Variants in NFXL1 observed in about 807,000 individuals in gnomAD.
The protein encoded by NFXL1 is nuclear transcription factor, X-box binding like 1.
In NFXL1, 66 loss-of-function variants were observed where a neutral mutation model predicts 123.3. The ratio of observed to expected loss-of-function variants is 0.54; its 90% CI spans 0.44 to 0.66. NFXL1 has a LOEUF of 0.66. Among genes scored for constraint, NFXL1 ranks in the 30% least tolerant of loss-of-function variants. The pLI is 0.00. For synonymous variants in NFXL1, 346 were observed against 360.8 expected (o/e 0.96, Z 0.46); for missense variants, 944 against 1,125.6 (o/e 0.84, Z 2.31).
At chr4:47,874,545 C>G (rs1018704257) in intron 18 of NFXL1, among the ~76,000 whole-genome samples, 1 of 152,102 alleles carries the variant, frequency 6.6e-6, no homozygotes, top group Non-Finnish European at 1.5e-5. Context: ...CACCCCAAAA[C>G]AATTACAATG....
At chr4:47,856,007 A>C (rs1734388829) in intron 19 of NFXL1, among the ~76,000 whole-genome samples, 1 of 152,208 alleles carries the variant, frequency 6.6e-6, no homozygotes, top group African/African-American at 2.4e-5. Flanking sequence ...CTGTTTCTAA[A>C]CTGTTGTAAC....
chr4:47,885,394 C>T (rs1286723483), intron 14 of NFXL1, 104 bp downstream of exon 14: 3 of 930,284 alleles, frequency 3.2e-6, no homozygotes, highest in African/African-American at 3.3e-5. Context: ...AAGCACAGTG[C>T]TTCCCAATAA....
At chr4:47,883,147 A>T (rs1376883487) in intron 15 of NFXL1, among the ~76,000 whole-genome samples, 1 of 152,004 alleles carries the variant, frequency 6.6e-6, no homozygotes, top group Non-Finnish European at 1.5e-5. Flanking sequence ...ATTCTGTCAA[A>T]TGCTGTGCTA....
At chr4:47,906,532 T>C (rs1272496802) in intron 3 of NFXL1, among the ~76,000 whole-genome samples, 1 of 152,108 alleles carries the variant, frequency 6.6e-6, no homozygotes, top group Non-Finnish European at 1.5e-5. Flanking sequence ...AACTATAAAT[T>C]ATTATAAAAT....
In NFXL1 at chr4:47,885,568, AC is replaced by A; in HGVS notation, c.1753del (p.Val585PhefsTer18). ...CPPCHQPCQKVLEKCGHLCPA... is the reference protein window; with the variant it reads ...CPPCHQPCQKXLEKCGHLCPA... ...ACACAAGTGACCACATTTCTCCAAA[AC>A]TTTTTGGCAAGGTTGATGACATGGT... is the stretch of plus-strand genomic sequence containing the variant. On this transcript the variant is annotated frameshift_variant, in exon 14 of 23. Coordinates refer to ENST00000507489, the MANE Select transcript of NFXL1 (RefSeq NM_001278624.2). LOFTEE classifies it high-confidence loss of function. 6.2e-7 allele frequency: 1 copy of A among 1,614,000 alleles called. No homozygotes were observed. Among genetic ancestry groups the A allele is most frequent in the Non-Finnish European group, 8.5e-7 (1 of 1,179,908 alleles).
intron 19 of NFXL1, among the ~76,000 whole-genome samples, chr4:47,855,412 T>G (rs1475237300): frequency 6.6e-6 from 1 of 151,736 alleles, no homozygotes; most frequent in Non-Finnish European, 1.5e-5. Context: ...ACAGTACATC[T>G]TACAGCCACC....
chr4:47,906,468 T>A (rs1158118439), intron 3 of NFXL1, among the ~76,000 whole-genome samples: 2 of 152,094 alleles, frequency 1.3e-5, no homozygotes, highest in Non-Finnish European at 2.9e-5. Flanking sequence ...TGCCCTACCA[T>A]AAAATAAATA....
intron 15 of NFXL1, chr4:47,882,396 G>A (rs1364515922): frequency 6.6e-6 from 1 of 152,134 alleles, no homozygotes; most frequent in African/African-American, 2.4e-5. Flanking sequence ...TCTCCCTTTG[G>A]AAACTTTCAT....
At chr4:47,871,490 C>T (rs1193273360) in intron 18 of NFXL1, among the ~76,000 whole-genome samples, 4 of 152,144 alleles carry the variant, frequency 2.6e-5, no homozygotes, top group East Asian at 3.8e-4. Flanking sequence ...CACACATGCA[C>T]GTGTGTTGTT....
At chr4:47,894,493 T>G (rs1269922537) in intron 10 of NFXL1, among the ~76,000 whole-genome samples, 191 bp from the exon 11 acceptor site, 1 of 152,028 alleles carries the variant, frequency 6.6e-6, no homozygotes, top group Non-Finnish European at 1.5e-5. Context: ...CAAAAAGGAC[T>G]TCATATAAAT....
intron 4 of NFXL1, among the ~76,000 whole-genome samples, chr4:47,904,491 T>C (rs1209584090): frequency 4.6e-5 from 7 of 152,176 alleles, no homozygotes; most frequent in Non-Finnish European, 1.0e-4. Flanking sequence ...GTAAACCAAC[T>C]AGATGTGACT....
intron 17 of NFXL1, among the ~76,000 whole-genome samples, chr4:47,876,334 A>G (rs574088586): frequency 1.4e-4 from 22 of 152,258 alleles, no homozygotes; most frequent in African/African-American, 4.8e-4. Context: ...TGATGGCAGC[A>G]ACAAGAAGGA....
intron 12 of NFXL1, among the ~76,000 whole-genome samples, chr4:47,887,441 GAAGAT>G (rs1736504348): frequency 6.6e-6 from 1 of 152,064 alleles, no homozygotes; most frequent in Non-Finnish European, 1.5e-5. Context: ...CAGAAAAAGA[GAAGAT>G]TAGAGGTAAA....
chr4:47,896,586 A>C lies in NFXL1; in HGVS notation c.1266T>G (p.Leu422=), dbSNP rs560227614. The change falls in exon 10 of 23, where the codon CTT becomes CTG. Residue 422 remains leucine (L), a synonymous_variant. Coordinates refer to ENST00000507489, the MANE Select transcript of NFXL1 (RefSeq NM_001278624.2). ...PTCGDSCDKV[L]ECGIHRCSQR... ...GTGAACATCTATGGATTCCGCATTCAAGTACTTTGTCACAACTGTCTCCAC... is the reference window on the plus strand; with the variant it reads ...GTGAACATCTATGGATTCCGCATTCCAGTACTTTGTCACAACTGTCTCCAC... The C allele has an allele frequency of 6.8e-6, 11 of 1,612,738 alleles. No homozygotes were observed. The South Asian group carries it at 1.1e-4, about 16-fold the overall frequency.
intron 12 of NFXL1, among the ~76,000 whole-genome samples, chr4:47,887,670 T>A (rs781221140): frequency 1.3e-5 from 2 of 152,188 alleles, no homozygotes; most frequent in African/African-American, 4.8e-5. Context: ...TTTCTATACT[T>A]AACAATGACA....
intron 22 of NFXL1, among the ~76,000 whole-genome samples, chr4:47,849,298 T>C (rs1250314196): frequency 2.0e-5 from 3 of 152,186 alleles, no homozygotes; most frequent in Admixed American, 2.0e-4. Context: ...CTGAATTGCA[T>C]TCAATATCAA....
intron 19 of NFXL1, among the ~76,000 whole-genome samples, chr4:47,859,814 C>A (rs920191824): frequency 8.3e-6 from 1 of 119,932 alleles, no homozygotes; most frequent in Non-Finnish European, 1.6e-5. Flanking sequence ...CGTACTCCAA[C>A]CCAGGCAACA....
intron 3 of NFXL1, among the ~76,000 whole-genome samples, chr4:47,907,250 G>A (rs1343340765): frequency 2.0e-5 from 3 of 152,206 alleles, no homozygotes; most frequent in African/African-American, 7.2e-5. Context: ...GGCTGTGTCT[G>A]CTGAGCTAAC....
At chr4:47,875,376 T>C in intron 17 of NFXL1, 83 bp from the exon 18 acceptor site, 5 of 994,444 alleles carry the variant, frequency 5.0e-6, no homozygotes, top group Middle Eastern at 2.2e-4. Context: ...AATTTATATA[T>C]CCCATTAAAA....
Sources: allele counts gnomAD v4.1 joint callset (sites outside exome capture counted in the v4.1 genomes callset), GRCh38; gene constraint gnomAD v4.1.1; transcripts MANE v1.5; gene names NCBI Gene and HGNC (gene_info 2026-07-23, HGNC 2026-07-21).